PTPRD: variants seen among roughly 807,000 people sequenced by gnomAD.
The protein encoded by PTPRD is receptor-type tyrosine-protein phosphatase delta.
A neutral mutation model predicts 214.5 loss-of-function variants in PTPRD; 34 were observed. The ratio of observed to expected loss-of-function variants is 0.16; its 90% CI spans 0.12 to 0.21. PTPRD has a LOEUF of 0.21. Among genes scored for constraint, PTPRD ranks in the 10% least tolerant of loss-of-function variants. The probability of loss-of-function intolerance (pLI) is 1.00; values close to 1 mark genes in which losing one functional copy is unlikely to be tolerated. For missense variants in PTPRD, 2,545 were observed against 2,398.7 expected (o/e 1.06, Z -1.27); for synonymous variants, 1,128 against 845.7 (o/e 1.33, Z -5.79).
At chr9:8,849,207 G>A (rs561894819) in intron 11 of PTPRD, among the ~76,000 whole-genome samples, 135 of 118,910 alleles carry the variant, frequency 1.1e-3, no homozygotes, top group African/African-American at 3.7e-3. Flanking sequence ...ACGGAGTCTC[G>A]CTTTGTCCCC....
At chr9:8,556,306 G>T (rs947410155) in intron 14 of PTPRD, among the ~76,000 whole-genome samples, 3 of 152,120 alleles carry the variant, frequency 2.0e-5, no homozygotes, top group Non-Finnish European at 4.4e-5. Flanking sequence ...CTCACTATGG[G>T]TCAAAGTTGA....
At chr9:10,270,853 A>AT (rs56278072) in intron 3 of PTPRD, among the ~76,000 whole-genome samples, 30,763 of 151,892 alleles carry the variant, frequency 0.2, 3,628 homozygotes, top group African/African-American at 0.33. Context: ...TATTTTACTT[A>AT]TTTTTTTATG....
At chr9:9,953,269 G>A (rs1291210943) in intron 4 of PTPRD, among the ~76,000 whole-genome samples, 1 of 152,038 alleles carries the variant, frequency 6.6e-6, no homozygotes, top group Non-Finnish European at 1.5e-5. Flanking sequence ...ATGTGGACAG[G>A]CCTCATCGAA....
chr9:8,535,645 G>A (rs1023468355), intron 14 of PTPRD, among the ~76,000 whole-genome samples: 1 of 151,832 alleles, frequency 6.6e-6, no homozygotes, highest in African/African-American at 2.4e-5. Flanking sequence ...TTGGGGAGTA[G>A]GTCATGTTAA....
chr9:9,035,884 G>A (rs1309043798), intron 10 of PTPRD, among the ~76,000 whole-genome samples: 2 of 151,956 alleles, frequency 1.3e-5, no homozygotes, highest in African/African-American at 2.4e-5. Context: ...TTTCTGGGTT[G>A]GGAGAAACAT....
At chr9:9,068,718 TCTC>T (rs2099739189) in intron 10 of PTPRD, among the ~76,000 whole-genome samples, 1 of 152,040 alleles carries the variant, frequency 6.6e-6, no homozygotes, top group Non-Finnish European at 1.5e-5. Flanking sequence ...TTCCAGCAAT[TCTC>T]CTGCCTCAGC....
intron 5 of PTPRD, among the ~76,000 whole-genome samples, chr9:9,779,868 A>C (rs1429024470): frequency 6.6e-6 from 1 of 152,178 alleles, no homozygotes; most frequent in Non-Finnish European, 1.5e-5. Context: ...AAAAACTTAA[A>C]ATAGAGCTAC....
Position 8,816,368 on chromosome 9 carries a change from G to C in PTPRD, c.-103-82422C>G, listed in dbSNP as rs190181157. Among the ~76,000 whole-genome samples, 34 of 152,316 alleles carry C rather than the reference G, an allele frequency of 2.2e-4. No homozygotes were observed. The East Asian group carries it at 6.4e-3, about 29-fold the overall frequency. On this transcript the variant is annotated intron_variant, in intron 11 of 45. Coordinates refer to ENST00000381196, the MANE Select transcript of PTPRD (RefSeq NM_002839.4). The stretch of plus-strand genomic sequence containing the variant: ...ACTGCTTCAGCTATGGAAAGAATGA[G>C]ATGAGCCAAGCACTCTTTTGATTGT...
rs779537226 is a variant in PTPRD at position 8,460,515 on chromosome 9, C to T, written c.3771G>A (p.Pro1257=). The T allele has an allele frequency of 6.3e-5, 102 of 1,613,382 alleles. No homozygotes were observed. In the African/African-American group the frequency reaches 7.7e-4, roughly 12 times the overall value. The change falls in exon 33 of 46, where the codon CCG becomes CCA. Residue 1257 remains proline (P), a synonymous_variant. Coordinates refer to ENST00000381196, the MANE Select transcript of PTPRD (RefSeq NM_002839.4). Reference sequence around the variant, plus strand: ...CTTCTTCTTCATCCGTGATTGGCTGCGGATCCAGATCCATTGACACCACGG... The same window carrying T: ...CTTCTTCTTCATCCGTGATTGGCTGTGGATCCAGATCCATTGACACCACGG... ...SDPVVSMDLD[P]QPITDEEEGL... is the part of the protein sequence containing the mutation.
intron 2 of PTPRD, among the ~76,000 whole-genome samples, chr9:10,521,800 G>T (rs10959140): frequency 0.17 from 25,802 of 152,118 alleles, 2,467 homozygotes; most frequent in Admixed American, 0.27. Context: ...TGTAATAAAG[G>T]TATGTACATT....
chr9:8,721,322 C>T (rs546035306), intron 12 of PTPRD, among the ~76,000 whole-genome samples: 2 of 150,504 alleles, frequency 1.3e-5, no homozygotes, highest in Non-Finnish European at 1.5e-5. Context: ...CCTAGCTACT[C>T]GAGAGGCTGA....
intron 4 of PTPRD, among the ~76,000 whole-genome samples, chr9:9,966,795 T>C (rs1465364168): frequency 6.6e-6 from 1 of 152,020 alleles, no homozygotes. Context: ...TACAAAAACT[T>C]ACAGATGCTT....
chr9:9,990,917 G>A lies in PTPRD; in HGVS notation c.-472+42801C>T, dbSNP rs535747385. ...TAAAATCAAAATGTAAAATCTTCTA[G>A]GGAAGATGAGTAAAATAGTCTTTTT... On this transcript the variant is annotated intron_variant, in intron 4 of 45. Transcript: ENST00000381196. Among the ~76,000 whole-genome samples, 68 of 148,740 alleles carry A rather than the reference G, an allele frequency of 4.6e-4. No individual in the cohort carries two copies. The South Asian group carries it at 0.014, about 31-fold the overall frequency.
intron 11 of PTPRD, among the ~76,000 whole-genome samples, chr9:8,857,222 C>T (rs1384102983): frequency 2.0e-5 from 3 of 152,184 alleles, no homozygotes; most frequent in Non-Finnish European, 4.4e-5. Flanking sequence ...TCACCGTAGT[C>T]AGCCCTCCTT....
chr9:9,902,732 T>C (rs2076688915), intron 5 of PTPRD, among the ~76,000 whole-genome samples: 1 of 152,140 alleles, frequency 6.6e-6, no homozygotes, highest in Non-Finnish European at 1.5e-5. Context: ...GGATGATAGA[T>C]ACCTTAGATA....
At chr9:9,751,100 A>G (rs908874674) in intron 6 of PTPRD, among the ~76,000 whole-genome samples, 1 of 152,118 alleles carries the variant, frequency 6.6e-6, no homozygotes, top group African/African-American at 2.4e-5. Flanking sequence ...AAACATGCAC[A>G]CTCTTATCCA....
At position 8,572,065 on chromosome 9, in the gene PTPRD, A is replaced by G. The variant is rs79268439; in HGVS notation, c.353-43286T>C. ...AACTCTGTTTGACACCGCAAAGCAAAATGCATTTTTTCACGTAATTTAGAA... is the reference window on the plus strand; with the variant it reads ...AACTCTGTTTGACACCGCAAAGCAAGATGCATTTTTTCACGTAATTTAGAA... On this transcript the variant is annotated intron_variant, in intron 14 of 45. Coordinates refer to ENST00000381196, the MANE Select transcript of PTPRD (RefSeq NM_002839.4). Among the ~76,000 whole-genome samples, 525 of 152,208 alleles carry G rather than the reference A, an allele frequency of 3.4e-3. 12 individuals carry two copies. In the East Asian group the frequency reaches 0.061, roughly 18 times the overall value.
intron 3 of PTPRD, among the ~76,000 whole-genome samples, chr9:10,181,383 G>A (rs1020045590): frequency 6.6e-6 from 1 of 152,116 alleles, no homozygotes; most frequent in African/African-American, 2.4e-5. Context: ...CCCAAATTTA[G>A]AGAAATTCTG....
At chr9:8,614,475 G>A (rs1440648215) in intron 14 of PTPRD, among the ~76,000 whole-genome samples, 3 of 152,184 alleles carry the variant, frequency 2.0e-5, no homozygotes, top group Non-Finnish European at 4.4e-5. Flanking sequence ...AATGCTGAAT[G>A]TTGTAAGGAA....
Sources: gnomAD v4.1 joint callset for allele counts (sites outside exome capture counted in the v4.1 genomes callset) on GRCh38, gnomAD v4.1.1 for gene constraint, MANE v1.5 for transcripts, NCBI Gene and HGNC (gene_info 2026-07-23, HGNC 2026-07-21) for gene names.